The following SORBS3 variants were observed in gnomAD, a reference collection of about 807,000 sequenced individuals.
The protein encoded by SORBS3 is vinexin.
A neutral mutation model predicts 98.0 loss-of-function variants in SORBS3; 69 were observed. That is an observed-to-expected ratio of 0.70 (90% CI 0.58 to 0.86). The LOEUF (loss-of-function observed/expected upper bound fraction) is 0.86. Ranked by LOEUF, SORBS3 falls within the 40% of genes least tolerant of loss-of-function variation. The pLI is 0.00. For missense variants in SORBS3, 954 were observed against 908.5 expected, an observed-to-expected ratio of 1.05 and a Z score of -0.64; for synonymous variants, 394 against 355.4, an observed-to-expected ratio of 1.11 and a Z score of -1.22.
chr8:22,572,548 A>AC (rs1466204848), intron 20 of SORBS3, 102 bp downstream of exon 20: 3 of 907,704 alleles, frequency 3.3e-6, no homozygotes. Flanking sequence ...ATGGCCGACC[A>AC]CCCCCCGACT....
upstream of SORBS3, among the ~76,000 whole-genome samples, chr8:22,550,771 C>A (rs142754161): frequency 6.6e-6 from 1 of 152,300 alleles, no homozygotes; most frequent in South Asian, 2.1e-4. Flanking sequence ...CAGGAGATTA[C>A]GTTAGTTTTC....
intron 1 of SORBS3, among the ~76,000 whole-genome samples, chr8:22,553,259 C>T (rs1840119662): frequency 6.6e-6 from 1 of 152,184 alleles, no homozygotes; most frequent in East Asian, 1.9e-4. Flanking sequence ...CAGCTCTGCA[C>T]CCAGATTCCA....
rs1291578709 is a variant in SORBS3, at chr8:22,575,459, C to G, written c.*731C>G. On this transcript the variant is annotated 3_prime_UTR_variant, in exon 21 of 21. Transcript: ENST00000240123. ...GCTCTCCCCCAGCCCCACATCCCCT[C>G]TGGAAGAGAATGTAAAATAAACCTG... 1.9e-5 allele frequency: 3 copies of G among 157,460 alleles called. No homozygotes were observed. Among genetic ancestry groups the G allele is most frequent in the African/African-American group, 4.8e-5 (2 of 41,494 alleles). 9.8% of individuals were successfully genotyped at this position (157,460 alleles called of 1,614,324 possible).
intron 20 of SORBS3, chr8:22,573,378 C>T (rs1233470157): frequency 6.6e-6 from 3 of 456,246 alleles, no homozygotes; most frequent in Non-Finnish European, 1.3e-5. Flanking sequence ...GTATTAGGAG[C>T]CACAAGCGCT....
chr8:22,550,956 T>C (rs1459630785), upstream of SORBS3, among the ~76,000 whole-genome samples: 2 of 152,110 alleles, frequency 1.3e-5, no homozygotes, highest in African/African-American at 4.8e-5. Context: ...TGAAGTGCCA[T>C]ACAGAGGCTT....
Position 22,565,295 on chromosome 8 carries a change from C to A in SORBS3, c.844C>A (p.Leu282Met), listed in dbSNP as rs1840383333. 2 of 1,557,222 alleles carry A rather than the reference C, an allele frequency of 1.3e-6. No individual in the cohort carries two copies. Among genetic ancestry groups the A allele is most frequent in the Non-Finnish European group, 1.7e-6 (2 of 1,150,824 alleles). The change falls in exon 11 of 21, where the codon CTG becomes ATG. Residue 282 changes from leucine (L) to methionine (M), a missense_variant. Physicochemically the swap from Leu to Met is conservative, Grantham distance 15. Coordinates refer to ENST00000240123, the MANE Select transcript of SORBS3 (RefSeq NM_005775.5). ...GCTGCTGGAGAGAGAGCTGGCCGAGCTGAGCGCCGAGCTGGACAAGGACCT... is the reference window on the plus strand; with the variant it reads ...GCTGCTGGAGAGAGAGCTGGCCGAGATGAGCGCCGAGCTGGACAAGGACCT... The part of the protein sequence containing the change: ...EVLLERELAE[L>M]SAELDKDLRA...
At chr8:22,574,602 C>A (rs1840679480) in intron 20 of SORBS3, 65 bp from the exon 21 acceptor site, 14 of 1,516,436 alleles carry the variant, frequency 9.2e-6, no homozygotes, top group Non-Finnish European at 1.3e-5. Flanking sequence ...GGGGGCAGGC[C>A]CTCACCCCTG....
intron 7 of SORBS3, among the ~76,000 whole-genome samples, chr8:22,562,237 C>T (rs1348910133): frequency 2.0e-5 from 3 of 152,228 alleles, no homozygotes; most frequent in Non-Finnish European, 4.4e-5. Context: ...AAGATCCCAC[C>T]GGTCTTATGA....
chr8:22,545,605 A>G (rs2117177203), intron 1 of SORBS3, among the ~76,000 whole-genome samples: 1 of 152,356 alleles, frequency 6.6e-6, no homozygotes, highest in South Asian at 2.1e-4. Flanking sequence ...AGGGTTATGC[A>G]TCATCTCCTC....
chr8:22,561,307 C>T, intron 5 of SORBS3, 28 bp from the exon 6 acceptor site: 1 of 1,571,314 alleles, frequency 6.4e-7, no homozygotes, highest in Non-Finnish European at 8.7e-7. Flanking sequence ...TGCCCCGTCC[C>T]ATGACCTGGT....
chr8:22,560,771 G>T (rs1030789389), intron 5 of SORBS3, among the ~76,000 whole-genome samples: 1 of 152,140 alleles, frequency 6.6e-6, no homozygotes. Flanking sequence ...TCAGAGGAGG[G>T]TGTGGGGTCC....
Position 22,566,808 on chromosome 8 carries a change from T to G in SORBS3, c.1144-14T>G. Reference sequence around the variant, plus strand: ...CCAACTGAGAGAGCCCACTCTGTCCTCTCCCCTGCCTAGAGAAAGGCCGCC... The same window carrying G: ...CCAACTGAGAGAGCCCACTCTGTCCGCTCCCCTGCCTAGAGAAAGGCCGCC... On this transcript the variant is annotated splice_polypyrimidine_tract_variant and intron_variant, in intron 14 of 20. Transcript: ENST00000240123. 2 of 1,613,960 alleles carry G rather than the reference T, an allele frequency of 1.2e-6. No homozygotes were observed. Among genetic ancestry groups the G allele is most frequent in the Non-Finnish European group, 1.7e-6 (2 of 1,179,932 alleles).
Position 22,561,326 on chromosome 8 carries a change from C to T in SORBS3, c.479-9C>T, listed in dbSNP as rs1341283698. 6.3e-7 allele frequency: 1 copy of T among 1,597,046 alleles called. No individual in the cohort carries two copies. The highest frequency in any genetic ancestry group is 8.5e-7 in the Non-Finnish European group (1 of 1,170,158). Reference sequence around the variant, plus strand: ...CCGTCCCATGACCTGGTCCCTTCTGCTCCTGCAGACTTGCAGCTGGACTGG... The same window carrying T: ...CCGTCCCATGACCTGGTCCCTTCTGTTCCTGCAGACTTGCAGCTGGACTGG... On this transcript the variant is annotated splice_polypyrimidine_tract_variant and intron_variant, in intron 5 of 20. Coordinates refer to ENST00000240123, the MANE Select transcript of SORBS3 (RefSeq NM_005775.5).
At position 22,571,126 on chromosome 8, in the gene SORBS3, C is replaced by T. The variant is rs150968987; in HGVS notation, c.1648C>T (p.Arg550Cys). 70 of 1,606,080 alleles carry T rather than the reference C, an allele frequency of 4.4e-5. No individual in the cohort carries two copies. In the African/African-American group the frequency reaches 5.6e-4, roughly 13 times the overall value. ...TCACCCCAGCTCCCCCTCAGCCCTG[C>T]GCAGCCCAGCTGACCCCATCGACTT... ...ARHPSSPSALRSPADPIDLGG... is the reference protein window; with the variant it reads ...ARHPSSPSALCSPADPIDLGG... The change falls in exon 18 of 21, where the codon CGC becomes TGC. Residue 550 changes from arginine to cysteine, a missense_variant. Physicochemically the swap from Arg to Cys is radical, Grantham distance 180. Coordinates refer to ENST00000240123, the MANE Select transcript of SORBS3 (RefSeq NM_005775.5).
In SORBS3 at chr8:22,558,018, G is replaced by C. The variant is rs193020252; in HGVS notation, c.415-111G>C. 7.1e-4 allele frequency: 685 copies of C among 959,554 alleles called. 9 individuals are homozygous for C. The East Asian group carries it at 0.015, about 21-fold the overall frequency. The allele number at this position is 959,554 out of a possible 1,614,324, so 59.4% of individuals were successfully genotyped here. A position where few individuals can be genotyped will look rare whatever the true frequency, so the allele number is the denominator to read the frequency against. On this transcript the variant is annotated intron_variant, in intron 4 of 20. Transcript: ENST00000240123. ...GAGAAGCATTTCCCAGCCCACCTATGGGGGGTTCAGGGATGGCCAGAGAAG... is the reference window on the plus strand; with the variant it reads ...GAGAAGCATTTCCCAGCCCACCTATCGGGGGTTCAGGGATGGCCAGAGAAG...
At chr8:22,571,942 C>A (rs1840598595) in intron 19 of SORBS3, 121 bp downstream of exon 19, 1 of 721,680 alleles carries the variant, frequency 1.4e-6, no homozygotes. Context: ...CCAGGTAGCC[C>A]TTGTCCTCGA....
At chr8:22,563,037 T>G (rs937780217) in intron 7 of SORBS3, among the ~76,000 whole-genome samples, 1 of 151,812 alleles carries the variant, frequency 6.6e-6, no homozygotes, top group Non-Finnish European at 1.5e-5. Context: ...GAGAATGGCA[T>G]GAACCCAGGA....
At chr8:22,556,446 AT>A (rs750231325) in intron 3 of SORBS3, among the ~76,000 whole-genome samples, 1 of 152,164 alleles carries the variant, frequency 6.6e-6, no homozygotes, top group Non-Finnish European at 1.5e-5. Context: ...ACAAGTAATG[AT>A]TTCCAGACCT....
intron 1 of SORBS3, among the ~76,000 whole-genome samples, chr8:22,552,408 A>G (rs1840099566): frequency 6.6e-6 from 1 of 152,168 alleles, no homozygotes; most frequent in African/African-American, 2.4e-5. Flanking sequence ...TCTCTGCTAC[A>G]TGGGGGACCA....
Sources: gnomAD v4.1 joint callset for allele counts (sites outside exome capture counted in the v4.1 genomes callset) on GRCh38, gnomAD v4.1.1 for gene constraint, MANE v1.5 for transcripts, NCBI Gene and HGNC (gene_info 2026-07-23, HGNC 2026-07-21) for gene names.